NDUFAF2: variants seen among roughly 807,000 people sequenced by gnomAD.
The protein encoded by NDUFAF2 is NADH dehydrogenase [ubiquinone] 1 alpha subcomplex assembly factor 2.
A neutral mutation model predicts 22.8 loss-of-function variants in NDUFAF2; 13 were observed. The observed-to-expected ratio is 0.57, with a 90% CI of 0.37 to 0.91. The LOEUF (loss-of-function observed/expected upper bound fraction) is 0.91. NDUFAF2 is among the 40% of genes least tolerant of loss of function. NDUFAF2 has a pLI of 0.01. For missense variants in NDUFAF2, 162 were observed against 195.2 expected (o/e 0.83, Z 1.01); for synonymous variants, 53 against 64.2 (o/e 0.83, Z 0.84).
chr5:60,962,486 CTT>C (rs1441380173), intron 1 of NDUFAF2, among the ~76,000 whole-genome samples: 1 of 152,078 alleles, frequency 6.6e-6, no homozygotes, highest in Non-Finnish European at 1.5e-5. Context: ...CTTCATGAAA[CTT>C]TATCTTTTTG....
Position 61,099,007 on chromosome 5 carries a change from CAA to C in NDUFAF2, c.234_235del (p.Arg79LysfsTer13). ...TTCTTTCTAGCTTGGATTAGAAGAA[CAA>C]GAAAGACTCCACCTACTATGGAGGT... On this transcript the variant is annotated frameshift_variant, in exon 3 of 4. Coordinates refer to ENST00000296597, the MANE Select transcript of NDUFAF2 (RefSeq NM_174889.5). LOFTEE classifies it high-confidence loss of function. The C allele has an allele frequency of 6.3e-7, 1 of 1,599,210 alleles. No individual in the cohort carries two copies. The highest frequency in any genetic ancestry group is 8.6e-7 in the Non-Finnish European group (1 of 1,168,986).
intron 1 of NDUFAF2, among the ~76,000 whole-genome samples, chr5:60,974,038 C>A (rs1750869156): frequency 1.3e-5 from 2 of 152,134 alleles, no homozygotes; most frequent in Admixed American, 1.3e-4. Context: ...TTGAAGGATG[C>A]AAGGTATTGT....
chr5:61,106,732 ACT>A (rs930991777), intron 3 of NDUFAF2, among the ~76,000 whole-genome samples: 4 of 149,670 alleles, frequency 2.7e-5, no homozygotes, highest in South Asian at 2.1e-4. Flanking sequence ...TCATCCTTCT[ACT>A]CTCTATCTCC....
chr5:61,134,278 ACAGG>A (rs201183728), intron 3 of NDUFAF2, among the ~76,000 whole-genome samples: 1 of 151,796 alleles, frequency 6.6e-6, no homozygotes, highest in Non-Finnish European at 1.5e-5. Flanking sequence ...AATAAAAATG[ACAGG>A]TAGAGGGAGG....
At chr5:61,126,962 C>T (rs984464564) in intron 3 of NDUFAF2, among the ~76,000 whole-genome samples, 12 of 151,866 alleles carry the variant, frequency 7.9e-5, no homozygotes, top group Admixed American at 2.6e-4. Context: ...ATATCACCAC[C>T]GATCCCACAG....
intron 1 of NDUFAF2, among the ~76,000 whole-genome samples, chr5:60,976,129 T>A (rs1230357044): frequency 1.3e-5 from 2 of 152,176 alleles, no homozygotes; most frequent in Non-Finnish European, 1.5e-5. Context: ...TTGGTAGTTA[T>A]AAGGGTCTAC....
intron 1 of NDUFAF2, among the ~76,000 whole-genome samples, chr5:61,058,190 T>A (rs1365271054): frequency 6.6e-6 from 1 of 152,128 alleles, no homozygotes; most frequent in African/African-American, 2.4e-5. Flanking sequence ...TGAAAATAAG[T>A]TTGGGCTTGG....
chr5:61,023,240 T>C (rs1751608445), intron 1 of NDUFAF2, among the ~76,000 whole-genome samples: 1 of 152,122 alleles, frequency 6.6e-6, no homozygotes. Flanking sequence ...TTATTGAATT[T>C]CTCTTTGGTT....
intron 1 of NDUFAF2, among the ~76,000 whole-genome samples, chr5:60,966,331 C>T (rs1750758293): frequency 6.6e-6 from 1 of 152,018 alleles, no homozygotes; most frequent in Non-Finnish European, 1.5e-5. Context: ...TGTGTCTTTA[C>T]TCTGTTGATT....
In NDUFAF2 at chr5:61,135,593, C is replaced by A. The variant is rs1437963090; in HGVS notation, c.259-17111C>A. The stretch of plus-strand genomic sequence containing the variant: ...ACTTGTTAGATGTGCACATCAGGGG[C>A]CCTATCCTCAGTTATTGAATCACAA... On this transcript the variant is annotated intron_variant, in intron 3 of 3. Coordinates refer to ENST00000296597, the MANE Select transcript of NDUFAF2 (RefSeq NM_174889.5). Among the ~76,000 whole-genome samples, 3 of 152,064 alleles carry A rather than the reference C, an allele frequency of 2.0e-5. No homozygotes were observed. The East Asian group carries it at 5.8e-4, about 29-fold the overall frequency.
At chr5:61,070,367 C>T (rs934192144) in intron 1 of NDUFAF2, among the ~76,000 whole-genome samples, 1 of 151,842 alleles carries the variant, frequency 6.6e-6, no homozygotes, top group Non-Finnish European at 1.5e-5. Context: ...AAAAATTGAA[C>T]AAGTAGTATT....
At chr5:61,146,497 T>A (rs1741140451) in intron 3 of NDUFAF2, 1 of 152,246 alleles carries the variant, frequency 6.6e-6, no homozygotes, top group South Asian at 2.1e-4. Context: ...CTGAAAATGT[T>A]CTTATAATAC....
intron 1 of NDUFAF2, among the ~76,000 whole-genome samples, chr5:60,960,512 C>T (rs921555975): frequency 5.3e-4 from 81 of 152,272 alleles, no homozygotes; most frequent in African/African-American, 1.9e-3. Context: ...AAGTACTACT[C>T]AGTTCAGCAG....
chr5:61,106,155 T>C (rs1471297021), intron 3 of NDUFAF2, among the ~76,000 whole-genome samples: 1 of 151,338 alleles, frequency 6.6e-6, no homozygotes, highest in Non-Finnish European at 1.5e-5. Context: ...TACCAGCAGA[T>C]ACTAAAATCA....
rs186011110 is a variant in NDUFAF2, at chr5:61,127,973, G to A, written c.259-24731G>A. Among the ~76,000 whole-genome samples the A allele has an allele frequency of 5.4e-3, 822 of 152,124 alleles. 10 individuals are homozygous for A. The highest frequency in any genetic ancestry group is 0.019 in the African/African-American group (791 of 41,524). On this transcript the variant is annotated intron_variant, in intron 3 of 3. Coordinates refer to ENST00000296597, the MANE Select transcript of NDUFAF2 (RefSeq NM_174889.5). Reference sequence around the variant, plus strand: ...GTCTCAGGATATAAAATCAATGTGCGAAAATCACAAGCATTCTTATACACC... The same window carrying A: ...GTCTCAGGATATAAAATCAATGTGCAAAAATCACAAGCATTCTTATACACC...
At chr5:60,967,049 G>C (rs934712036) in intron 1 of NDUFAF2, among the ~76,000 whole-genome samples, 16 of 151,962 alleles carry the variant, frequency 1.1e-4, no homozygotes, top group African/African-American at 3.9e-4. Flanking sequence ...TCAGTGTATG[G>C]ATTTTTCACC....
At chr5:61,056,906 AAAAAAAAAAAAAAATATAT>A (rs1752100467) in intron 1 of NDUFAF2, among the ~76,000 whole-genome samples, 1 of 41,508 alleles carries the variant, frequency 2.4e-5, no homozygotes, top group South Asian at 1.2e-3. Context: ...AAAAAAAAAA[AAAAAAAAAAAAAAATATAT>A]ATATATATAT....
chr5:61,060,656 T>C (rs34598), intron 1 of NDUFAF2, among the ~76,000 whole-genome samples: 19,705 of 152,080 alleles, frequency 0.13, 1,596 homozygotes, highest in South Asian at 0.2. Flanking sequence ...ATCTCAGAAG[T>C]ATGTCACCTC....
intron 1 of NDUFAF2, among the ~76,000 whole-genome samples, chr5:60,950,364 T>G (rs988441133): frequency 3.3e-5 from 5 of 152,086 alleles, no homozygotes; most frequent in African/African-American, 9.7e-5. Context: ...TTTTTTATTT[T>G]TAGGAGAGAT....
Sources: gnomAD v4.1 joint callset for allele counts (sites outside exome capture counted in the v4.1 genomes callset) on GRCh38, gnomAD v4.1.1 for gene constraint, MANE v1.5 for transcripts, NCBI Gene and HGNC (gene_info 2026-07-23, HGNC 2026-07-21) for gene names.